The following GABBR2 variants were observed in gnomAD, a reference collection of about 807,000 sequenced individuals.
GABBR2 encodes G-protein coupled receptor 51.
GABBR2 carries 23 observed loss-of-function variants against 105.6 expected under a neutral mutation model. The observed-to-expected ratio is 0.22, with a 90% CI of 0.16 to 0.31. GABBR2 has a LOEUF of 0.31. Ranked by LOEUF, GABBR2 falls within the 10% of genes least tolerant of loss-of-function variation. GABBR2 has a pLI of 1.00. For synonymous variants in GABBR2, 478 were observed against 499.7 expected (o/e 0.96, Z 0.58); for missense variants, 734 against 1,245.5 (o/e 0.59, Z 6.18).
intron 2 of GABBR2, among the ~76,000 whole-genome samples, chr9:98,550,252 C>T (rs1187892992): frequency 6.6e-6 from 1 of 152,190 alleles, no homozygotes; most frequent in Non-Finnish European, 1.5e-5. Context: ...GGTTAAAAAA[C>T]TTGCCCAACA....
intron 1 of GABBR2, among the ~76,000 whole-genome samples, chr9:98,580,502 T>C (rs111316287): frequency 0.015 from 2,263 of 152,282 alleles, 57 homozygotes; most frequent in African/African-American, 0.05. Context: ...GTAAGATCTG[T>C]TGGGGCCAGG....
chr9:98,600,279 T>G (rs573543756), intron 1 of GABBR2, among the ~76,000 whole-genome samples: 1 of 152,128 alleles, frequency 6.6e-6, no homozygotes, highest in Non-Finnish European at 1.5e-5. Flanking sequence ...CCTCCTTCTC[T>G]GCTGGGCAGA....
At chr9:98,681,199 C>T (rs1830541391) in intron 1 of GABBR2, among the ~76,000 whole-genome samples, 1 of 146,436 alleles carries the variant, frequency 6.8e-6, no homozygotes, top group Non-Finnish European at 1.5e-5. Flanking sequence ...ACCCAAATGT[C>T]CAACAACGAT....
intron 1 of GABBR2, among the ~76,000 whole-genome samples, chr9:98,586,482 TAG>T (rs2131790117): frequency 6.6e-6 from 1 of 152,262 alleles, no homozygotes; most frequent in Admixed American, 6.5e-5. Context: ...GTATTTTTAG[TAG>T]AGACGAGGTT....
chr9:98,446,651 G>C (rs1310037842), intron 7 of GABBR2, among the ~76,000 whole-genome samples: 1 of 152,160 alleles, frequency 6.6e-6, no homozygotes, highest in African/African-American at 2.4e-5. Flanking sequence ...TCTGGGATGT[G>C]CTGGGGACAC....
chr9:98,384,387 T>G (rs1448157594), intron 11 of GABBR2, among the ~76,000 whole-genome samples: 3 of 152,162 alleles, frequency 2.0e-5, no homozygotes, highest in African/African-American at 7.2e-5. Flanking sequence ...GGTCGGGAGT[T>G]CGAGACCATC....
chr9:98,558,569 C>T (rs564430458), intron 2 of GABBR2, among the ~76,000 whole-genome samples: 3 of 152,286 alleles, frequency 2.0e-5, no homozygotes, highest in South Asian at 2.1e-4. Flanking sequence ...AGGGCTAAAC[C>T]CATTCGCTTC....
At chr9:98,430,462 C>T (rs944064159) in intron 7 of GABBR2, among the ~76,000 whole-genome samples, 3 of 152,036 alleles carry the variant, frequency 2.0e-5, no homozygotes, top group Admixed American at 2.0e-4. Context: ...TGAGATGACC[C>T]CCTTCTGAGT....
intron 1 of GABBR2, among the ~76,000 whole-genome samples, chr9:98,666,285 G>A (rs898581773): frequency 2.6e-5 from 4 of 152,196 alleles, no homozygotes; most frequent in Admixed American, 2.6e-4. Context: ...ACATGGTGCT[G>A]TGGCCCAACA....
intron 13 of GABBR2, among the ~76,000 whole-genome samples, chr9:98,330,877 A>T (rs767982449): frequency 6.6e-6 from 1 of 152,104 alleles, no homozygotes; most frequent in Non-Finnish European, 1.5e-5. Context: ...CCCCAAAAGA[A>T]ACCCATATCC....
At chr9:98,320,616 G>A (rs1194031846) in intron 13 of GABBR2, among the ~76,000 whole-genome samples, 2 of 152,068 alleles carry the variant, frequency 1.3e-5, no homozygotes, top group Non-Finnish European at 2.9e-5. Flanking sequence ...AAGCAAATGT[G>A]GCACATATAC....
chr9:98,549,610 G>T (rs1353894815), intron 2 of GABBR2, among the ~76,000 whole-genome samples: 1 of 152,198 alleles, frequency 6.6e-6, no homozygotes, highest in African/African-American at 2.4e-5. Flanking sequence ...CCTGGGGGCT[G>T]GTGGATAAGA....
rs1361800411 is a variant in GABBR2, at chr9:98,454,025, T to G, written c.1192A>C (p.Ile398Leu). ...FNYTDHTLGR[I>L]ILNAMNETNF... is the part of the protein sequence containing the mutation. ...GTCTCGTTCATGGCATTGAGGATGATCCTGCCCAGCGTGTGGTCCGTGTAG... is the reference window on the plus strand; with the variant it reads ...GTCTCGTTCATGGCATTGAGGATGAGCCTGCCCAGCGTGTGGTCCGTGTAG... Residue 398 changes from isoleucine (I) to leucine (L), a missense_variant, in exon 7 of 19, where the codon ATC becomes CTC. By Grantham distance (5) the Ile-to-Leu change is conservative. This residue lies in a region of GABBR2 where 370 missense variants were observed against 648.9 expected (regional missense o/e 0.57). Transcript: ENST00000259455. The surrounding 1 kb of genome is among the most constrained non-coding windows in gnomAD (Gnocchi z 4.6). 6.2e-7 allele frequency: 1 copy of G among 1,614,188 alleles called. No individual in the cohort carries two copies. Among genetic ancestry groups the G allele is most frequent in the South Asian group, 1.1e-5 (1 of 91,074 alleles).
At position 98,512,758 on chromosome 9, in the gene GABBR2, A is replaced by T. The variant is rs1235773121; in HGVS notation, c.631-16244T>A. ...CCACTGCTCAATGAAATAAAACAGG[A>T]TACAAACAAATGGAAGAACATTCCA... On this transcript the variant is annotated intron_variant, in intron 3 of 18. Coordinates refer to ENST00000259455, the MANE Select transcript of GABBR2 (RefSeq NM_005458.8). Among the ~76,000 whole-genome samples the T allele has an allele frequency of 5.3e-5, 8 of 152,334 alleles. 1 individual carries two copies. In the Middle Eastern group the frequency reaches 0.01, roughly 194 times the overall value.
intron 5 of GABBR2, among the ~76,000 whole-genome samples, chr9:98,473,724 C>G (rs1195545902): frequency 6.6e-6 from 1 of 152,174 alleles, no homozygotes; most frequent in African/African-American, 2.4e-5. Flanking sequence ...TTACACAACT[C>G]TCATTATCAA....
At chr9:98,535,784 G>A (rs1030952490) in intron 3 of GABBR2, among the ~76,000 whole-genome samples, 1 of 152,152 alleles carries the variant, frequency 6.6e-6, no homozygotes, top group African/African-American at 2.4e-5. Context: ...ATCTGAAAAG[G>A]CTACATTCCG....
At chr9:98,560,611 C>T (rs573863576) in intron 2 of GABBR2, among the ~76,000 whole-genome samples, 1 of 151,814 alleles carries the variant, frequency 6.6e-6, no homozygotes, top group South Asian at 2.1e-4. Context: ...TATAGCATTC[C>T]TATAAATCCA....
intron 5 of GABBR2, among the ~76,000 whole-genome samples, chr9:98,476,655 C>G (rs1229295540): frequency 6.6e-6 from 1 of 152,248 alleles, no homozygotes; most frequent in Non-Finnish European, 1.5e-5. Flanking sequence ...ACATAAGTCA[C>G]TGTTCTGGGC....
chr9:98,486,980 T>C (rs1435441373), intron 4 of GABBR2, among the ~76,000 whole-genome samples: 1 of 152,122 alleles, frequency 6.6e-6, no homozygotes, highest in Non-Finnish European at 1.5e-5. Flanking sequence ...TGCTTCACTC[T>C]GTCCGTAAAG....
Sources: gnomAD v4.1 joint callset for allele counts (sites outside exome capture counted in the v4.1 genomes callset) on GRCh38, gnomAD v4.1.1 for gene constraint, gnomAD v4.1.1 regional missense constraint, Gnocchi (gnomAD v3.1) non-coding constraint, MANE v1.5 for transcripts, NCBI Gene and HGNC (gene_info 2026-07-23, HGNC 2026-07-21) for gene names.